Variants in EPHB1 observed in about 807,000 individuals in gnomAD.
The protein encoded by EPHB1 is EPH receptor B1.
EPHB1 carries 30 observed loss-of-function variants against 94.4 expected under a neutral mutation model. The ratio of observed to expected loss-of-function variants is 0.32; its 90% CI spans 0.24 to 0.43. The LOEUF (loss-of-function observed/expected upper bound fraction) is 0.43, where lower values mean the gene tolerates loss of function less well. EPHB1 is among the 20% of genes least tolerant of loss of function. EPHB1 has a pLI of 1.00. For synonymous variants in EPHB1, 522 were observed against 489.1 expected (o/e 1.07, Z -0.89); for missense variants, 1,055 against 1,308.3 (o/e 0.81, Z 2.99).
chr3:135,113,081 C>G (rs965543572), intron 4 of EPHB1, among the ~76,000 whole-genome samples: 2 of 152,188 alleles, frequency 1.3e-5, no homozygotes, highest in Non-Finnish European at 2.9e-5. Flanking sequence ...TCTGTGTTCT[C>G]CTTGAGGTGA....
intron 3 of EPHB1, among the ~76,000 whole-genome samples, chr3:135,000,264 A>G (rs917321256): frequency 2.0e-5 from 3 of 152,370 alleles, no homozygotes; most frequent in African/African-American, 2.4e-5. Context: ...TAATAAATAC[A>G]GCATCTTTTG....
chr3:135,091,122 G>T (rs1938535361), intron 3 of EPHB1, among the ~76,000 whole-genome samples: 1 of 152,214 alleles, frequency 6.6e-6, no homozygotes, highest in Non-Finnish European at 1.5e-5. Flanking sequence ...GATGCACACA[G>T]AGAGAATAAT....
At chr3:135,080,345 T>A (rs1453002901) in intron 3 of EPHB1, among the ~76,000 whole-genome samples, 1 of 151,566 alleles carries the variant, frequency 6.6e-6, no homozygotes, top group Non-Finnish European at 1.5e-5. Flanking sequence ...GGGGGAGGGG[T>A]GCAGGAGGAG....
At chr3:135,198,189 A>C (rs1157850782) in intron 11 of EPHB1, among the ~76,000 whole-genome samples, 1 of 152,176 alleles carries the variant, frequency 6.6e-6, no homozygotes, top group African/African-American at 2.4e-5. Context: ...GTTTGAGGCC[A>C]CCATTACCAG....
In EPHB1 at chr3:135,154,295, C is replaced by A; in HGVS notation, c.1422+19C>A. On this transcript the variant is annotated intron_variant, in intron 6 of 15. Transcript: ENST00000398015. Reference sequence around the variant, plus strand: ...TGAGAAGGTGAGCCAGCTCTACCTGCAAGCTTGCAAGACCCAAGGCCAGCC... The same window carrying A: ...TGAGAAGGTGAGCCAGCTCTACCTGAAAGCTTGCAAGACCCAAGGCCAGCC... The A allele has an allele frequency of 1.2e-6, 2 of 1,613,538 alleles. No homozygotes were observed. The highest frequency in any genetic ancestry group is 2.7e-5 in the African/African-American group (2 of 75,044).
chr3:134,907,469 A>G (rs1241850628), intron 1 of EPHB1, among the ~76,000 whole-genome samples: 1 of 152,240 alleles, frequency 6.6e-6, no homozygotes, highest in African/African-American at 2.4e-5. Flanking sequence ...TTTAACACTG[A>G]GATTTGAATG....
intron 11 of EPHB1, among the ~76,000 whole-genome samples, chr3:135,197,529 G>GA (rs1414324557): frequency 2.0e-4 from 30 of 152,166 alleles, no homozygotes; most frequent in Non-Finnish European, 2.6e-4. Context: ...CTTTCAGTTA[G>GA]AAAAAATCTA....
intron 11 of EPHB1, among the ~76,000 whole-genome samples, chr3:135,197,890 A>G (rs1030963679): frequency 1.3e-5 from 2 of 151,982 alleles, no homozygotes; most frequent in African/African-American, 4.8e-5. Flanking sequence ...TTGGAGAATT[A>G]TGCCAATCAA....
In EPHB1 at chr3:135,241,164, T is replaced by C; in HGVS notation, c.2363T>C (p.Val788Ala). Residue 788 changes from valine to alanine, a missense_variant, in exon 13 of 16, where the codon GTG becomes GCG. Physicochemically the swap from Val to Ala is moderately conservative, Grantham distance 64 (BLOSUM62 0). Coordinates refer to ENST00000398015, the MANE Select transcript of EPHB1 (RefSeq NM_004441.5). Reference protein sequence around the residue: ...YTSSLGGKIPVRWTAPEAIAY... With the variant: ...YTSSLGGKIPARWTAPEAIAY... ...TTCTTTCAGGGAGGGAAGATCCCTG[T>C]GAGATGGACAGCTCCAGAGGCCATC... 1 of 1,614,162 alleles carries C rather than the reference T, an allele frequency of 6.2e-7. No homozygotes were observed. Among genetic ancestry groups the C allele is most frequent in the Non-Finnish European group, 8.5e-7 (1 of 1,180,032 alleles).
At chr3:134,913,062 C>G (rs981198308) in intron 1 of EPHB1, among the ~76,000 whole-genome samples, 1 of 152,172 alleles carries the variant, frequency 6.6e-6, no homozygotes, top group East Asian at 1.9e-4. Flanking sequence ...TTTCCTTGTT[C>G]CTGTGTTTGT....
intron 2 of EPHB1, among the ~76,000 whole-genome samples, chr3:134,927,588 G>A (rs918305298): frequency 1.3e-5 from 2 of 152,198 alleles, no homozygotes; most frequent in Non-Finnish European, 2.9e-5. Flanking sequence ...TTGAAGGCTT[G>A]TGTGTTTTTA....
At chr3:134,816,733 C>T (rs1300621288) in intron 1 of EPHB1, among the ~76,000 whole-genome samples, 1 of 151,890 alleles carries the variant, frequency 6.6e-6, no homozygotes, top group Non-Finnish European at 1.5e-5. Flanking sequence ...GTAGTCCTTG[C>T]CTACTCCCAT....
chr3:135,194,827 A>G (rs1195759674), intron 11 of EPHB1, among the ~76,000 whole-genome samples: 2 of 152,200 alleles, frequency 1.3e-5, no homozygotes, highest in African/African-American at 2.4e-5. Flanking sequence ...GGAAACTCCA[A>G]TACCTAACAC....
intron 3 of EPHB1, among the ~76,000 whole-genome samples, chr3:135,006,631 T>A (rs1427880051): frequency 6.6e-6 from 1 of 152,186 alleles, no homozygotes; most frequent in Admixed American, 6.5e-5. Context: ...AAAGTTCAAG[T>A]GCAGTCTGGG....
At chr3:135,080,032 G>T (rs1938108091) in intron 3 of EPHB1, among the ~76,000 whole-genome samples, 1 of 152,208 alleles carries the variant, frequency 6.6e-6, no homozygotes, top group African/African-American at 2.4e-5. Flanking sequence ...GATCCTGTTT[G>T]TTTGAGGTGG....
chr3:134,994,728 T>TCCTCCTGCCTCAGCCTCCCATGC (rs1934932993), intron 3 of EPHB1, among the ~76,000 whole-genome samples: 1 of 152,226 alleles, frequency 6.6e-6, no homozygotes, highest in South Asian at 2.1e-4. Flanking sequence ...CCAGCCTATA[T>TCCTCCTGCCTCAGCCTCCCATGC]AGCTATATCT....
At chr3:134,925,770 C>T in intron 1 of EPHB1, 46 bp from the exon 2 acceptor site, 3 of 1,507,630 alleles carry the variant, frequency 2.0e-6, no homozygotes, top group Non-Finnish European at 2.7e-6. Flanking sequence ...AGCAATCCTT[C>T]TGACTCATTG....
At chr3:134,958,453 G>T (rs534470599) in intron 3 of EPHB1, among the ~76,000 whole-genome samples, 6 of 138,472 alleles carry the variant, frequency 4.3e-5, no homozygotes, top group East Asian at 2.1e-4. Context: ...TGTGTGTGAG[G>T]CCTCAGTGCT....
chr3:135,171,926 G>A lies in EPHB1; in HGVS notation c.1759+4920G>A, dbSNP rs150320279. ...TGGAATTAGTGATTTGCAAAACAAG[G>A]TTTAAAACTCAGATCTGTCTGACTC... On this transcript the variant is annotated intron_variant, in intron 9 of 15. Coordinates refer to ENST00000398015, the MANE Select transcript of EPHB1 (RefSeq NM_004441.5). Among the ~76,000 whole-genome samples the A allele has an allele frequency of 2.1e-3, 324 of 152,250 alleles. 1 individual carries two copies. The highest frequency in any genetic ancestry group is 3.7e-3 in the Non-Finnish European group (249 of 68,018).
Sources: gnomAD v4.1 joint callset for allele counts (sites outside exome capture counted in the v4.1 genomes callset) on GRCh38, gnomAD v4.1.1 for gene constraint, MANE v1.5 for transcripts, NCBI Gene and HGNC (gene_info 2026-07-23, HGNC 2026-07-21) for gene names.